The following SLC6A6 variants were observed in gnomAD, a reference collection of about 807,000 sequenced individuals.
The protein encoded by SLC6A6 is solute carrier family 6 member 6.
In SLC6A6, 16 loss-of-function variants were observed where a neutral mutation model predicts 68.8. The observed-to-expected ratio is 0.23, with a 90% CI of 0.16 to 0.35. SLC6A6 has a LOEUF of 0.35. Among genes scored for constraint, SLC6A6 ranks in the 10% least tolerant of loss-of-function variants. SLC6A6 has a pLI of 1.00. For synonymous variants in SLC6A6, 312 were observed against 315.4 expected (o/e 0.99, Z 0.12); for missense variants, 474 against 802.8 (o/e 0.59, Z 4.95).
At chr3:14,469,334 T>G (rs1179216855) in intron 9 of SLC6A6, among the ~76,000 whole-genome samples, 1 of 152,086 alleles carries the variant, frequency 6.6e-6, no homozygotes, top group African/African-American at 2.4e-5. Context: ...GGTTATTAAC[T>G]TCAGGGACCA....
rs1315141688 is a variant in SLC6A6 at position 14,468,452 on chromosome 3, T to A, written c.1096+240T>A. ...GCAAAAGCATGGGGGGTGGTTAAGT[T>A]GGGGAATTTTTAGCTACCTTAGTGT... On this transcript the variant is annotated intron_variant, in intron 9 of 14. Transcript: ENST00000622186. This position sits in a 1 kb window ranked among gnomAD's most constrained non-coding sequence, Gnocchi z 4.5. Among the ~76,000 whole-genome samples, 1 of 151,346 alleles carries A rather than the reference T, an allele frequency of 6.6e-6. No individual in the cohort carries two copies. The highest frequency in any genetic ancestry group is 1.5e-5 in the Non-Finnish European group (1 of 67,928).
intron 2 of SLC6A6, among the ~76,000 whole-genome samples, 184 bp from the exon 3 acceptor site, chr3:14,443,440 A>C (rs1700037613): frequency 6.6e-6 from 1 of 152,186 alleles, no homozygotes; most frequent in South Asian, 2.1e-4. Context: ...TCCCTGGTCC[A>C]TGAAGGGGTC....
intron 2 of SLC6A6, among the ~76,000 whole-genome samples, chr3:14,421,562 GTTAACATCGTTATTGCTCGTAGTAT>G (rs1699486155): frequency 1.3e-5 from 2 of 152,230 alleles, no homozygotes; most frequent in Non-Finnish European, 2.9e-5. Context: ...AATAAATGAA[GTTAACATCGTTATTGCTCGTAGTAT>G]TGTGATTATG....
chr3:14,414,564 C>T (rs1301377405), intron 1 of SLC6A6, among the ~76,000 whole-genome samples: 2 of 151,874 alleles, frequency 1.3e-5, no homozygotes, highest in African/African-American at 2.4e-5. Context: ...CTCACTCTGT[C>T]ACCCTGGCTG....
Position 14,481,127 on chromosome 3 carries a change from C to T in SLC6A6, c.1552-544C>T, listed in dbSNP as rs1329430416. Among the ~76,000 whole-genome samples the T allele has an allele frequency of 1.3e-5, 2 of 152,228 alleles. No homozygotes were observed. The highest frequency in any genetic ancestry group is 2.9e-5 in the Non-Finnish European group (2 of 68,048). On this transcript the variant is annotated intron_variant, in intron 13 of 14. Coordinates refer to ENST00000622186, the MANE Select transcript of SLC6A6 (RefSeq NM_003043.6). The surrounding 1 kb of genome is among the most constrained non-coding windows in gnomAD (Gnocchi z 4.7). ...AGACACACACATTCCTACTCTCAGA[C>T]TCACAGTCTGGCAGAACACGTGTGC...
At chr3:14,417,507 A>AGGTG (rs1559285806) in intron 2 of SLC6A6, among the ~76,000 whole-genome samples, 19 of 152,234 alleles carry the variant, frequency 1.2e-4, no homozygotes, top group South Asian at 6.2e-4. Flanking sequence ...CAAGGTGGGC[A>AGGTG]GATCACGAGG....
At chr3:14,441,979 G>A (rs1011423092) in intron 2 of SLC6A6, among the ~76,000 whole-genome samples, 1 of 152,256 alleles carries the variant, frequency 6.6e-6, no homozygotes, top group Non-Finnish European at 1.5e-5. Flanking sequence ...CGACAGGGAA[G>A]CGAGGAATTG....
rs1574897692 is a variant in SLC6A6, at chr3:14,402,814, G to A, written c.-87G>A. The A allele has an allele frequency of 1.0e-5, 4 of 397,582 alleles. No homozygotes were observed. Among genetic ancestry groups the A allele is most frequent in the African/African-American group, 6.2e-5 (3 of 48,566 alleles). The allele number at this position is 397,582 out of a possible 1,614,324, so 24.6% of individuals were successfully genotyped here. A position where few individuals can be genotyped will look rare whatever the true frequency, so the allele number is the denominator to read the frequency against. Reference sequence around the variant, plus strand: ...CCGGCCGGCGGAACCCGGCACAGCCGAGCAGAGCGCGGGCGGCGCCGCAGC... The same window carrying A: ...CCGGCCGGCGGAACCCGGCACAGCCAAGCAGAGCGCGGGCGGCGCCGCAGC... On this transcript the variant is annotated 5_prime_UTR_variant, in exon 1 of 15. Coordinates refer to ENST00000622186, the MANE Select transcript of SLC6A6 (RefSeq NM_003043.6). The surrounding 1 kb of genome is among the most constrained non-coding windows in gnomAD (Gnocchi z 4.8).
At chr3:14,461,070 G>C (rs796715537) in intron 6 of SLC6A6, among the ~76,000 whole-genome samples, 4 of 152,362 alleles carry the variant, frequency 2.6e-5, no homozygotes, top group African/African-American at 7.2e-5. Flanking sequence ...AAGTCACTTT[G>C]CCTCTCTAGG....
At position 14,443,772 on chromosome 3, in the gene SLC6A6, C is replaced by T; in HGVS notation, c.138C>T (p.Ser46=). 1.2e-6 allele frequency: 2 copies of T among 1,614,152 alleles called. No homozygotes were observed. The highest frequency in any genetic ancestry group is 1.7e-6 in the Non-Finnish European group (2 of 1,179,986). Residue 46 remains serine, a synonymous_variant, in exon 3 of 15, where the codon AGC becomes AGT. Coordinates refer to ENST00000622186, the MANE Select transcript of SLC6A6 (RefSeq NM_003043.6). ...CTCCGCAGAGGGAGAAGTGGTCTAG[C>T]AAGATCGACTTTGTGCTCTCTGTGG... ...GKPPQREKWS[S]KIDFVLSVAG...
Position 14,472,396 on chromosome 3 carries a change from G to A in SLC6A6, c.1209+79G>A. 2 of 884,238 alleles carry A rather than the reference G, an allele frequency of 2.3e-6. No individual in the cohort carries two copies. Among genetic ancestry groups the A allele is most frequent in the Middle Eastern group, 2.7e-4 (1 of 3,706 alleles). 54.8% of individuals were successfully genotyped at this position (884,238 alleles called of 1,614,324 possible). ...GGGAAAGACTCCTTATTCCACCTGG[G>A]AGGTGGTCAACCCCCTTCCCCCCTC... On this transcript the variant is annotated intron_variant, in intron 10 of 14. Transcript: ENST00000622186. The surrounding 1 kb of genome is among the most constrained non-coding windows in gnomAD (Gnocchi z 4.5).
chr3:14,471,735 C>G (rs896987111), intron 9 of SLC6A6, among the ~76,000 whole-genome samples: 1 of 152,162 alleles, frequency 6.6e-6, no homozygotes, highest in African/African-American at 2.4e-5. Flanking sequence ...GTTTTTCTTT[C>G]CACTCCTATG....
In SLC6A6 at chr3:14,468,342, C is replaced by CCCA. The variant is rs1553578744; in HGVS notation, c.1096+132_1096+133insACC. The stretch of plus-strand genomic sequence containing the variant: ...GCCTGGTTTCTAAAATGGACCCCCC[C>CCCA]CCCGCCACCAAGATATCCCCCAAAT... On this transcript the variant is annotated intron_variant, in intron 9 of 14. Coordinates refer to ENST00000622186, the MANE Select transcript of SLC6A6 (RefSeq NM_003043.6). This position sits in a 1 kb window ranked among gnomAD's most constrained non-coding sequence, Gnocchi z 4.5. The CCCA allele has an allele frequency of 2.9e-5, 21 of 735,424 alleles. No individual in the cohort carries two copies. In the African/African-American group the frequency reaches 3.3e-4, roughly 12 times the overall value. 45.6% of individuals were successfully genotyped at this position (735,424 alleles called of 1,614,324 possible).
intron 6 of SLC6A6, among the ~76,000 whole-genome samples, chr3:14,460,812 A>C (rs1700477708): frequency 6.6e-6 from 1 of 152,216 alleles, no homozygotes; most frequent in South Asian, 2.1e-4. Flanking sequence ...AGGCCAGAGA[A>C]GCCAAGACAA....
chr3:14,402,605 T>C, upstream of SLC6A6: 1 of 397,534 alleles, frequency 2.5e-6, no homozygotes, highest in Non-Finnish European at 4.4e-6. This position sits in a 1 kb window ranked among gnomAD's most constrained non-coding sequence, Gnocchi z 4.8. Context: ...TGGGTGATGC[T>C]GAGAGCTGCC....
chr3:14,478,644 G>A, intron 12 of SLC6A6, 76 bp downstream of exon 12: 1 of 909,558 alleles, frequency 1.1e-6, no homozygotes, highest in African/African-American at 1.6e-5. Flanking sequence ...CAGAAGCAGA[G>A]AATACTAACA....
At chr3:14,460,283 C>G (rs1009588962) in intron 6 of SLC6A6, among the ~76,000 whole-genome samples, 1 of 151,874 alleles carries the variant, frequency 6.6e-6, no homozygotes, top group African/African-American at 2.4e-5. Context: ...CAGGAAGAGT[C>G]AGGTTGTAAC....
At chr3:14,475,251 C>T (rs1055716177) in intron 10 of SLC6A6, among the ~76,000 whole-genome samples, 4 of 151,704 alleles carry the variant, frequency 2.6e-5, no homozygotes, top group Non-Finnish European at 4.4e-5. Context: ...AGGCTGGTCT[C>T]GAACTCCTGA....
chr3:14,439,361 A>G (rs1436470090), intron 2 of SLC6A6, among the ~76,000 whole-genome samples: 1 of 152,236 alleles, frequency 6.6e-6, no homozygotes, highest in Admixed American at 6.5e-5. Flanking sequence ...AATATTAAAC[A>G]GGGAGACAGC....
Sources: gnomAD v4.1 joint callset for allele counts (sites outside exome capture counted in the v4.1 genomes callset) on GRCh38, gnomAD v4.1.1 for gene constraint, Gnocchi (gnomAD v3.1) non-coding constraint, MANE v1.5 for transcripts, NCBI Gene and HGNC (gene_info 2026-07-23, HGNC 2026-07-21) for gene names.